SLC25A48: variants seen among roughly 807,000 people sequenced by gnomAD.
SLC25A48 encodes the protein CTC-321K16.1.
Under a neutral mutation model 32.2 loss-of-function variants are expected in SLC25A48, and 29 were observed. The ratio of observed to expected loss-of-function variants is 0.90; its 90% CI spans 0.67 to 1.23. The LOEUF is 1.23. SLC25A48 is among the 50% of genes most tolerant of loss of function. The pLI is 0.00. For synonymous variants in SLC25A48, 164 were observed against 172.3 expected, an observed-to-expected ratio of 0.95 and a Z score of 0.38; for missense variants, 399 against 422.7, an observed-to-expected ratio of 0.94 and a Z score of 0.49.
intron 3 of SLC25A48, among the ~76,000 whole-genome samples, chr5:135,715,077 A>G (rs957179265): frequency 1.2e-4 from 18 of 152,204 alleles, no homozygotes; most frequent in African/African-American, 3.1e-4. Context: ...GGCAGGAGAC[A>G]GGAGGCCTGG....
At chr5:135,850,930 T>C (rs1288922229) in intron 3 of SLC25A48, among the ~76,000 whole-genome samples, 1 of 152,200 alleles carries the variant, frequency 6.6e-6, no homozygotes, top group Non-Finnish European at 1.5e-5. Flanking sequence ...CTTTAGACCA[T>C]GCGACCTGAG....
At chr5:135,833,301 C>T (rs566956809), upstream of SLC25A48, among the ~76,000 whole-genome samples, 8 of 152,360 alleles carry the variant, frequency 5.3e-5, no homozygotes, top group South Asian at 2.1e-4. Context: ...TGCCTGCCAA[C>T]GTAAGACCTC....
At chr5:135,867,926 A>C (rs1424505973) in intron 4 of SLC25A48, among the ~76,000 whole-genome samples, 1 of 152,240 alleles carries the variant, frequency 6.6e-6, no homozygotes, top group East Asian at 1.9e-4. Flanking sequence ...GTGACACCTC[A>C]TGATATCACA....
At chr5:135,723,697 C>A (rs6883101) in intron 3 of SLC25A48, among the ~76,000 whole-genome samples, 1,805 of 152,296 alleles carry the variant, frequency 0.012, 34 homozygotes, top group African/African-American at 0.041. Context: ...CAACTGTAAT[C>A]ATAACACAGT....
chr5:135,805,689 T>C (rs1757447856), intron 3 of SLC25A48, among the ~76,000 whole-genome samples: 1 of 151,574 alleles, frequency 6.6e-6, no homozygotes, highest in Admixed American at 6.6e-5. Context: ...CATAATATCT[T>C]AAGGGGATAT....
At chr5:135,756,205 TA>T (rs1246380323) in intron 3 of SLC25A48, among the ~76,000 whole-genome samples, 1 of 152,082 alleles carries the variant, frequency 6.6e-6, no homozygotes, top group African/African-American at 2.4e-5. Context: ...TATCTAGTGT[TA>T]ACACAAAATG....
intron 3 of SLC25A48, among the ~76,000 whole-genome samples, chr5:135,764,662 A>G (rs936860511): frequency 3.4e-5 from 5 of 148,766 alleles, no homozygotes; most frequent in African/African-American, 7.4e-5. Context: ...TACTTCCCAT[A>G]TCGCAGAGGG....
chr5:135,602,627 A>G (rs1011871557), intron 1 of SLC25A48, among the ~76,000 whole-genome samples: 23 of 89,760 alleles, frequency 2.6e-4, no homozygotes, highest in Non-Finnish European at 5.2e-4. Context: ...TTTTTTTTTT[A>G]TTATACTTTA....
At chr5:135,773,861 A>G (rs1756479548) in intron 3 of SLC25A48, among the ~76,000 whole-genome samples, 1 of 151,304 alleles carries the variant, frequency 6.6e-6, no homozygotes, top group Non-Finnish European at 1.5e-5. Flanking sequence ...TATTGCTCCC[A>G]ATATCACAGG....
At chr5:135,854,496 G>T (rs1760149843) in intron 4 of SLC25A48, among the ~76,000 whole-genome samples, 1 of 152,220 alleles carries the variant, frequency 6.6e-6, no homozygotes, top group African/African-American at 2.4e-5. Flanking sequence ...ATGTTGTGGA[G>T]ATGGCTTCTC....
chr5:135,661,360 C>A (rs1244433904), intron 3 of SLC25A48, among the ~76,000 whole-genome samples: 1 of 152,202 alleles, frequency 6.6e-6, no homozygotes, highest in Non-Finnish European at 1.5e-5. Context: ...ACATCAGTGA[C>A]AGTAATGGGG....
intron 4 of SLC25A48, among the ~76,000 whole-genome samples, chr5:135,818,581 A>G (rs1376812235): frequency 1.3e-5 from 2 of 152,196 alleles, no homozygotes; most frequent in East Asian, 1.9e-4. Context: ...ACCTAACTAA[A>G]TTGATTTCCT....
chr5:135,854,534 C>T (rs762905963), intron 4 of SLC25A48, among the ~76,000 whole-genome samples: 1 of 152,202 alleles, frequency 6.6e-6, no homozygotes, highest in Non-Finnish European at 1.5e-5. Context: ...CCAACCACTG[C>T]CAGCTTCAAA....
chr5:135,741,062 C>T (rs1394180009), intron 3 of SLC25A48, among the ~76,000 whole-genome samples: 3 of 152,142 alleles, frequency 2.0e-5, no homozygotes, highest in South Asian at 4.1e-4. Context: ...TTTGTCAGGC[C>T]CTATGCTAAG....
At chr5:135,748,311 T>G (rs1755690768) in intron 3 of SLC25A48, among the ~76,000 whole-genome samples, 1 of 152,230 alleles carries the variant, frequency 6.6e-6, no homozygotes, top group African/African-American at 2.4e-5. Context: ...ATTTTTATTC[T>G]CTTTTGAGAT....
At position 135,752,901 on chromosome 5, in the gene SLC25A48, T is replaced by C. The variant is rs559315457; in HGVS notation, c.-520-59622T>C. ...GAGTAATCTTCTATGATATGGATAA[T>C]ACTACATGGTGTACACCCCCTGTGA... On this transcript the variant is annotated intron_variant, in intron 3 of 10. Transcript: ENST00000646290. 2.5e-3 allele frequency among the ~76,000 whole-genome samples: 378 copies of C among 151,982 alleles called. 1 individual carries two copies. The highest frequency in any genetic ancestry group is 4.6e-3 in the Non-Finnish European group (315 of 67,922).
At chr5:135,857,504 A>T (rs1432714657) in intron 4 of SLC25A48, among the ~76,000 whole-genome samples, 5 of 152,358 alleles carry the variant, frequency 3.3e-5, no homozygotes, top group African/African-American at 1.2e-4. Context: ...CATGAGGCAG[A>T]TATGATTGCC....
chr5:135,599,906 A>T (rs1751752294), intron 1 of SLC25A48, among the ~76,000 whole-genome samples: 2 of 151,548 alleles, frequency 1.3e-5, no homozygotes, highest in African/African-American at 4.9e-5. Context: ...AATTTGGGGG[A>T]CGTCAGCACA....
intron 1 of SLC25A48, among the ~76,000 whole-genome samples, chr5:135,836,453 T>C (rs981939557): frequency 3.9e-5 from 6 of 152,168 alleles, no homozygotes; most frequent in African/African-American, 1.4e-4. Context: ...CTATATGTAT[T>C]CTTTTAAAAC....
Sources: allele counts gnomAD v4.1 joint callset (sites outside exome capture counted in the v4.1 genomes callset), GRCh38; gene constraint gnomAD v4.1.1; transcripts MANE v1.5; gene names NCBI Gene and HGNC (gene_info 2026-07-23, HGNC 2026-07-21).